ZNHIT6: variants seen among roughly 807,000 people sequenced by gnomAD.
ZNHIT6 encodes the protein zinc finger HIT-type containing 6, also known as box C/D snoRNA protein 1.
A neutral mutation model predicts 57.2 loss-of-function variants in ZNHIT6; 45 were observed. The ratio of observed to expected loss-of-function variants is 0.79; its 90% CI spans 0.62 to 1.01. The LOEUF (loss-of-function observed/expected upper bound fraction) is 1.01. Among genes scored for constraint, ZNHIT6 ranks in the 50% least tolerant of loss-of-function variants. ZNHIT6 has a pLI of 0.00. For missense variants in ZNHIT6, 528 were observed against 567.3 expected (o/e 0.93, Z 0.70); for synonymous variants, 188 against 190.0 (o/e 0.99, Z 0.09).
chr1:85,661,133 A>G (rs1450459091), intron 8 of ZNHIT6, among the ~76,000 whole-genome samples: 1 of 152,170 alleles, frequency 6.6e-6, no homozygotes, highest in Non-Finnish European at 1.5e-5. Context: ...AATTTTGTAA[A>G]CTGTTCATAA....
Position 85,657,889 on chromosome 1 carries a change from C to G in ZNHIT6, c.1330G>C (p.Val444Leu). The G allele has an allele frequency of 1.2e-6, 2 of 1,607,338 alleles. No individual in the cohort carries two copies. Among genetic ancestry groups the G allele is most frequent in the Non-Finnish European group, 8.5e-7 (1 of 1,176,208 alleles). The change falls in exon 9 of 10, where the codon GTA (valine) becomes CTA (leucine). Residue 444 changes from valine to leucine, a missense_variant. Coordinates refer to ENST00000370574, the MANE Select transcript of ZNHIT6 (RefSeq NM_017953.4). ...ATGTCATTATTGGATCCTTTCAATACCACATGTAATGTTGGATACTCAATG... is the reference window on the plus strand; with the variant it reads ...ATGTCATTATTGGATCCTTTCAATAGCACATGTAATGTTGGATACTCAATG... Reference protein sequence around the residue: ...VIIEYPTLHVVLKGSNNDMKV... With the variant: ...VIIEYPTLHVLLKGSNNDMKV...
chr1:85,671,759 A>G (rs1570298426), intron 8 of ZNHIT6, among the ~76,000 whole-genome samples: 1 of 152,220 alleles, frequency 6.6e-6, no homozygotes, highest in Non-Finnish European at 1.5e-5. Flanking sequence ...TTAGATGGGA[A>G]AACAGGCTTA....
intron 5 of ZNHIT6, among the ~76,000 whole-genome samples, chr1:85,689,731 T>C (rs564679451): frequency 3.9e-5 from 6 of 152,194 alleles, no homozygotes; most frequent in Non-Finnish European, 7.4e-5. Context: ...GCTGGGAGTA[T>C]GGGGACAGTT....
intron 5 of ZNHIT6, among the ~76,000 whole-genome samples, chr1:85,696,132 C>A (rs950703971): frequency 6.6e-6 from 1 of 151,728 alleles, no homozygotes; most frequent in Non-Finnish European, 1.5e-5. Flanking sequence ...AAGCTGATTC[C>A]CAAAGGGATT....
chr1:85,687,311 A>AAAAAAAC (rs1557861264), intron 5 of ZNHIT6, among the ~76,000 whole-genome samples: 1 of 142,368 alleles, frequency 7.0e-6, no homozygotes, highest in Non-Finnish European at 1.5e-5. Flanking sequence ...AAAAAAAAAA[A>AAAAAAAC]CAATTTAGAA....
chr1:85,655,560 C>T (rs775265911), intron 9 of ZNHIT6, among the ~76,000 whole-genome samples: 17 of 152,168 alleles, frequency 1.1e-4, no homozygotes, highest in Non-Finnish European at 2.4e-4. Flanking sequence ...GGGACATTTT[C>T]CCCTTTCTTT....
chr1:85,658,473 GCCTGCCTTGGCCTC>G (rs1048509494), intron 8 of ZNHIT6, among the ~76,000 whole-genome samples: 66 of 152,194 alleles, frequency 4.3e-4, no homozygotes, highest in African/African-American at 1.6e-3. Flanking sequence ...CTCGTAATCT[GCCTGCCTTGGCCTC>G]CCAAAGTGCT....
Position 85,657,892 on chromosome 1 carries a change from C to A in ZNHIT6, c.1327G>T (p.Val443Leu). ...TCATTATTGGATCCTTTCAATACCA[C>A]ATGTAATGTTGGATACTCAATGATC... is the stretch of plus-strand genomic sequence containing the variant. Reference protein sequence around the residue: ...KVIIEYPTLHVVLKGSNNDMK... With the variant: ...KVIIEYPTLHLVLKGSNNDMK... Residue 443 changes from valine to leucine, a missense_variant, in exon 9 of 10, where the codon GTG (valine) becomes TTG (leucine). Coordinates refer to ENST00000370574, the MANE Select transcript of ZNHIT6 (RefSeq NM_017953.4). 3 of 1,606,564 alleles carry A rather than the reference C, an allele frequency of 1.9e-6. No individual in the cohort carries two copies. The highest frequency in any genetic ancestry group is 2.6e-6 in the Non-Finnish European group (3 of 1,175,688).
intron 5 of ZNHIT6, among the ~76,000 whole-genome samples, chr1:85,695,961 G>A (rs903467314): frequency 3.3e-5 from 5 of 152,192 alleles, no homozygotes; most frequent in African/African-American, 7.2e-5. Context: ...GTGTGAACCC[G>A]GGAGGCAGAG....
Position 85,653,940 on chromosome 1 carries a change from A to G in ZNHIT6, c.*118T>C. On this transcript the variant is annotated 3_prime_UTR_variant, in exon 10 of 10. Transcript: ENST00000370574. Reference sequence around the variant, plus strand: ...TTTAAAAGAGTTAAGCTTATTTTTCATACAAAGAAAAAATTCCAATCACCC... The same window carrying G: ...TTTAAAAGAGTTAAGCTTATTTTTCGTACAAAGAAAAAATTCCAATCACCC... 1 of 741,512 alleles carries G rather than the reference A, an allele frequency of 1.3e-6. No homozygotes were observed. Among genetic ancestry groups the G allele is most frequent in the Non-Finnish European group, 2.2e-6 (1 of 445,528 alleles). 45.9% of individuals were successfully genotyped at this position (741,512 alleles called of 1,614,324 possible). A position where few individuals can be genotyped will look rare whatever the true frequency, so the allele number is the denominator to read the frequency against.
chr1:85,654,886 A>G (rs1216640246), intron 9 of ZNHIT6, among the ~76,000 whole-genome samples: 1 of 152,212 alleles, frequency 6.6e-6, no homozygotes. Flanking sequence ...CACTGAGTAG[A>G]TAAGAAAAAT....
chr1:85,671,367 T>C (rs898480451), intron 8 of ZNHIT6, among the ~76,000 whole-genome samples: 2 of 152,132 alleles, frequency 1.3e-5, no homozygotes, highest in African/African-American at 4.8e-5. Flanking sequence ...AGCAGGAAGA[T>C]TTCTTGACCT....
intron 8 of ZNHIT6, among the ~76,000 whole-genome samples, chr1:85,664,158 C>T (rs1479822030): frequency 1.3e-5 from 2 of 152,212 alleles, no homozygotes; most frequent in African/African-American, 2.4e-5. Context: ...AAGTTGTTTG[C>T]TTTCTCCCCA....
chr1:85,654,003 C>T lies in ZNHIT6; in HGVS notation c.*55G>A. The stretch of plus-strand genomic sequence containing the variant: ...CCAATCAGCCAACAGCCCATCAATG[C>T]AGAGTCTGCTGCAGTTGTCTGGAAG... On this transcript the variant is annotated 3_prime_UTR_variant, in exon 10 of 10. Coordinates refer to ENST00000370574, the MANE Select transcript of ZNHIT6 (RefSeq NM_017953.4). 2.0e-6 allele frequency: 3 copies of T among 1,507,614 alleles called. No individual in the cohort carries two copies. The Admixed American group carries it at 5.2e-5, about 26-fold the overall frequency. 93.4% of individuals were successfully genotyped at this position (1,507,614 alleles called of 1,614,324 possible).
intron 8 of ZNHIT6, among the ~76,000 whole-genome samples, chr1:85,669,340 C>T (rs945260057): frequency 2.6e-5 from 4 of 151,720 alleles, no homozygotes; most frequent in Non-Finnish European, 4.4e-5. Context: ...TCACTGAAAA[C>T]GATTTTAAAA....
chr1:85,696,175 ATTT>A (rs11327941), intron 5 of ZNHIT6, among the ~76,000 whole-genome samples: 12 of 143,722 alleles, frequency 8.3e-5, no homozygotes, highest in Admixed American at 6.9e-5. Flanking sequence ...TATTAACTGC[ATTT>A]TTTTTTTTTT....
At chr1:85,701,195 A>G (rs1662520675) in intron 5 of ZNHIT6, among the ~76,000 whole-genome samples, 1 of 152,250 alleles carries the variant, frequency 6.6e-6, no homozygotes, top group African/African-American at 2.4e-5. Context: ...AAGCTTCACT[A>G]GAATAATGAT....
chr1:85,702,342 T>C, intron 4 of ZNHIT6, 82 bp from the exon 5 acceptor site: 1 of 833,102 alleles, frequency 1.2e-6, no homozygotes, highest in Non-Finnish European at 1.9e-6. Context: ...TCAATAATAG[T>C]TAAGATTTAC....
At chr1:85,659,888 T>C (rs951908329) in intron 8 of ZNHIT6, among the ~76,000 whole-genome samples, 14 of 152,218 alleles carry the variant, frequency 9.2e-5, no homozygotes, top group Non-Finnish European at 1.8e-4. Context: ...CTTTTTAAAA[T>C]TGCAGAATAT....
Sources: allele counts gnomAD v4.1 joint callset (sites outside exome capture counted in the v4.1 genomes callset), GRCh38; gene constraint gnomAD v4.1.1; transcripts MANE v1.5; gene names NCBI Gene and HGNC (gene_info 2026-07-23, HGNC 2026-07-21).